RTTN: variants seen among roughly 807,000 people sequenced by gnomAD.
RTTN encodes the protein rotatin.
RTTN carries 182 observed loss-of-function variants against 269.2 expected under a neutral mutation model. That is an observed-to-expected ratio of 0.68 (90% CI 0.60 to 0.76). The LOEUF (loss-of-function observed/expected upper bound fraction) is 0.76. RTTN is among the 30% of genes least tolerant of loss of function. The pLI is 0.00. For missense variants in RTTN, 2,545 were observed against 2,608.6 expected, an observed-to-expected ratio of 0.98 and a Z score of 0.53; for synonymous variants, 1,006 against 963.5, an observed-to-expected ratio of 1.04 and a Z score of -0.82.
At chr18:70,195,935 T>C (rs1168422532) in intron 7 of RTTN, among the ~76,000 whole-genome samples, 1 of 152,188 alleles carries the variant, frequency 6.6e-6, no homozygotes, top group African/African-American at 2.4e-5. Flanking sequence ...CAAATGACTA[T>C]AATATTTGAC....
chr18:70,052,145 A>C (rs1320539478), intron 38 of RTTN, among the ~76,000 whole-genome samples: 1 of 152,150 alleles, frequency 6.6e-6, no homozygotes, highest in African/African-American at 2.4e-5. Flanking sequence ...CACTCAGGTA[A>C]ATGGAAGCTG....
chr18:70,149,452 T>A (rs771703050), intron 16 of RTTN, among the ~76,000 whole-genome samples: 2 of 151,674 alleles, frequency 1.3e-5, no homozygotes, highest in Non-Finnish European at 2.9e-5. Context: ...AAAAGAGGAC[T>A]GTGCTTATGA....
chr18:70,050,502 G>T, intron 39 of RTTN, among the ~76,000 whole-genome samples: 1 of 152,182 alleles, frequency 6.6e-6, no homozygotes, highest in Non-Finnish European at 1.5e-5. Context: ...AACCATTGTG[G>T]AAGACAGTGT....
chr18:70,142,022 ACTT>A (rs959900547), intron 19 of RTTN, among the ~76,000 whole-genome samples: 4 of 152,204 alleles, frequency 2.6e-5, no homozygotes, highest in Non-Finnish European at 5.9e-5. Context: ...GCATTAGCAA[ACTT>A]CTTCTGTAAA....
chr18:70,051,484 G>A lies in RTTN; in HGVS notation c.5250C>T (p.Leu1750=), dbSNP rs759935949. Residue 1750 remains leucine, a synonymous_variant, in exon 39 of 49, where the codon CTC becomes CTT. Coordinates refer to ENST00000640769, the MANE Select transcript of RTTN (RefSeq NM_173630.4). ...WTHLFNLLAM[L]LRKAGAITLP... is the part of the protein sequence containing the mutation. ...GTGTGATGGCACCAGCTTTCCTCAG[G>A]AGCATGGCCAGAAGATTAAATAAAT... The A allele has an allele frequency of 5.6e-6, 9 of 1,613,596 alleles. No homozygotes were observed. Among genetic ancestry groups the A allele is most frequent in the Non-Finnish European group, 5.9e-6 (7 of 1,179,582 alleles).
intron 35 of RTTN, among the ~76,000 whole-genome samples, chr18:70,064,560 C>T (rs1431896693): frequency 6.6e-6 from 1 of 151,990 alleles, no homozygotes; most frequent in African/African-American, 2.4e-5. Context: ...GAAAACAGCA[C>T]ACTAAGTGAA....
intron 37 of RTTN, among the ~76,000 whole-genome samples, chr18:70,057,466 G>A (rs1283596253): frequency 6.6e-6 from 1 of 152,138 alleles, no homozygotes; most frequent in Non-Finnish European, 1.5e-5. Context: ...TTATTAAAGT[G>A]GTGCTCCAAG....
chr18:70,128,926 C>G (rs2059932142), intron 23 of RTTN: 2 of 175,902 alleles, frequency 1.1e-5, no homozygotes, highest in South Asian at 2.8e-4. Context: ...ATCATTCATT[C>G]ACAGTTACAT....
intron 10 of RTTN, among the ~76,000 whole-genome samples, chr18:70,179,054 T>C (rs1168573789): frequency 6.6e-6 from 1 of 152,172 alleles, no homozygotes; most frequent in Non-Finnish European, 1.5e-5. Flanking sequence ...AAACATACTT[T>C]ACCACAAAGA....
chr18:70,109,429 G>A, intron 28 of RTTN, 69 bp downstream of exon 28: 1 of 1,071,762 alleles, frequency 9.3e-7, no homozygotes. Flanking sequence ...AACGTATAAT[G>A]CACTTGTGGC....
chr18:70,060,424 G>C (rs1267447294), intron 35 of RTTN, among the ~76,000 whole-genome samples: 3 of 151,750 alleles, frequency 2.0e-5, no homozygotes, highest in Non-Finnish European at 4.4e-5. Flanking sequence ...ATAATCTTTA[G>C]GTTTTCTTCA....
intron 38 of RTTN, among the ~76,000 whole-genome samples, chr18:70,053,697 A>G (rs1406884760): frequency 1.3e-5 from 2 of 152,238 alleles, no homozygotes. Context: ...TCATCATAGA[A>G]TATTTTCCCC....
At chr18:70,019,862 T>C (rs1355808501) in intron 45 of RTTN, 1 of 152,130 alleles carries the variant, frequency 6.6e-6, no homozygotes, top group African/African-American at 2.4e-5. Context: ...GAAGAAACAG[T>C]AGAGGAAAAG....
chr18:70,201,971 T>A lies in RTTN; in HGVS notation c.410A>T (p.Asn137Ile), dbSNP rs1043925543. ...YQTNQTELSK[N>I]PEILTGYFPQ... The stretch of plus-strand genomic sequence containing the variant: ...AAAATATCCTGTTAAGATTTCAGGG[T>A]TTTTTGACAATTCTGAAAAGGAAAT... The change falls in exon 4 of 49, where the codon AAC (asparagine) becomes ATC (isoleucine). Residue 137 changes from asparagine to isoleucine, a missense_variant. Coordinates refer to ENST00000640769, the MANE Select transcript of RTTN (RefSeq NM_173630.4). The A allele has an allele frequency of 6.2e-7, 1 of 1,600,714 alleles. No individual in the cohort carries two copies. The highest frequency in any genetic ancestry group is 1.3e-5 in the African/African-American group (1 of 74,602).
At chr18:70,073,803 A>T (rs755934965) in intron 34 of RTTN, 103 bp downstream of exon 34, 7 of 758,328 alleles carry the variant, frequency 9.2e-6, no homozygotes, top group Non-Finnish European at 1.6e-5. Flanking sequence ...AATAAATCAT[A>T]GCTGTTATAA....
Position 70,051,680 on chromosome 18 carries a change from T to TA in RTTN, c.5186-133_5186-132insT, listed in dbSNP as rs1272497823. The TA allele has an allele frequency of 8.4e-5, 49 of 580,254 alleles. No individual in the cohort carries two copies. The Admixed American group carries it at 1.8e-3, about 22-fold the overall frequency. 35.9% of individuals were successfully genotyped at this position (580,254 alleles called of 1,614,324 possible). ...TGTGCACTTATCAAATGAAGACAAA[T>TA]CTAATTCAGCATTATCCAAAATTTA... On this transcript the variant is annotated intron_variant, in intron 38 of 48. Transcript: ENST00000640769.
intron 28 of RTTN, among the ~76,000 whole-genome samples, chr18:70,098,123 C>G (rs553405555): frequency 2.6e-5 from 4 of 152,100 alleles, no homozygotes; most frequent in Admixed American, 6.5e-5. Context: ...TTTAGGTTCA[C>G]GGGTAACGTG....
chr18:70,122,307 CTTTTA>C (rs2145570059), intron 25 of RTTN, among the ~76,000 whole-genome samples: 1 of 151,432 alleles, frequency 6.6e-6, no homozygotes, highest in South Asian at 2.1e-4. Flanking sequence ...GACAATAAAA[CTTTTA>C]TTTAAAAGGG....
At chr18:70,122,028 G>C (rs1047636175) in intron 25 of RTTN, among the ~76,000 whole-genome samples, 9 of 152,092 alleles carry the variant, frequency 5.9e-5, no homozygotes, top group Non-Finnish European at 8.8e-5. Flanking sequence ...AGTGAAACTT[G>C]CTTTTCATAC....
Sources: allele counts gnomAD v4.1 joint callset (sites outside exome capture counted in the v4.1 genomes callset), GRCh38; gene constraint gnomAD v4.1.1; transcripts MANE v1.5; gene names NCBI Gene and HGNC (gene_info 2026-07-23, HGNC 2026-07-21).